Variants in PHF11 observed in about 807,000 individuals in gnomAD.
PHF11 encodes BRCA1 C-terminus-associated protein.
Under a neutral mutation model 40.5 loss-of-function variants are expected in PHF11, and 38 were observed. That is an observed-to-expected ratio of 0.94 (90% CI 0.72 to 1.23). The LOEUF is 1.23. PHF11 is among the 50% of genes most tolerant of loss of function. The pLI is 0.00. For missense variants in PHF11, 369 were observed against 392.4 expected (o/e 0.94, Z 0.50); for synonymous variants, 127 against 138.2 (o/e 0.92, Z 0.57).
At chr13:49,517,292 G>A (rs987953763) in intron 3 of PHF11, among the ~76,000 whole-genome samples, 14 of 152,226 alleles carry the variant, frequency 9.2e-5, no homozygotes, top group Middle Eastern at 3.4e-3. Context: ...GTGCCCCCAC[G>A]TCATTCAGCC....
chr13:49,500,335 C>T (rs1427376237), intron 1 of PHF11, among the ~76,000 whole-genome samples: 1 of 152,152 alleles, frequency 6.6e-6, no homozygotes, highest in African/African-American at 2.4e-5. Flanking sequence ...CTTCATGACA[C>T]ACCTTTAGGT....
chr13:49,516,864 C>T (rs750029718), intron 3 of PHF11, among the ~76,000 whole-genome samples: 1 of 152,180 alleles, frequency 6.6e-6, no homozygotes, highest in Non-Finnish European at 1.5e-5. Context: ...GGATTACAGG[C>T]ATGGGCCACC....
At chr13:49,513,492 G>A (rs1004871827) in intron 3 of PHF11, among the ~76,000 whole-genome samples, 1 of 151,882 alleles carries the variant, frequency 6.6e-6, no homozygotes, top group Non-Finnish European at 1.5e-5. Flanking sequence ...CACCATGCTC[G>A]GCAAATTTTT....
intron 5 of PHF11, 184 bp downstream of exon 5, chr13:49,521,124 T>C: frequency 3.9e-6 from 5 of 1,295,960 alleles, no homozygotes; most frequent in Non-Finnish European, 3.9e-6. Context: ...AATTTTTTCT[T>C]CTTTATGAAC....
chr13:49,524,116 A>C lies in PHF11; in HGVS notation c.669A>C (p.Lys223Asn), dbSNP rs1959208478. Residue 223 changes from lysine (K) to asparagine (N), a missense_variant, in exon 8 of 10, where the codon AAA (lysine) becomes AAC (asparagine). Physicochemically the swap from Lys to Asn is moderately conservative, Grantham distance 94 (BLOSUM62 0). Transcript: ENST00000378319. ...DATVKVPFLK[K>N]CKEAGLLNYL... ...CTGTGAAAGTTCCTTTTCTTAAGAA[A>C]TGCAAGGAAGCAGGACTTCTTAATT... 2 of 1,605,458 alleles carry C rather than the reference A, an allele frequency of 1.2e-6. No individual in the cohort carries two copies. Among genetic ancestry groups the C allele is most frequent in the Non-Finnish European group, 8.5e-7 (1 of 1,175,182 alleles).
In PHF11 at chr13:49,518,127, C is replaced by T; in HGVS notation, c.434C>T (p.Ser145Phe). The change falls in exon 4 of 10, where the codon TCT (serine) becomes TTT (phenylalanine). Residue 145 changes from serine to phenylalanine, a missense_variant. Coordinates refer to ENST00000378319, the MANE Select transcript of PHF11 (RefSeq NM_001040443.3). ...AAGAAGGACGACGCAGTTCCACAGT[C>T]TGATGGAGTTCGAGGAATTTATAAG... is the stretch of plus-strand genomic sequence containing the variant. ...CAKKDDAVPQ[S>F]DGVRGIYKLL... The T allele has an allele frequency of 1.2e-6, 2 of 1,603,776 alleles. No individual in the cohort carries two copies. The highest frequency in any genetic ancestry group is 1.7e-6 in the Non-Finnish European group (2 of 1,173,894).
chr13:49,506,774 A>T lies in PHF11; in HGVS notation c.216+18A>T, dbSNP rs201826842. The T allele has an allele frequency of 5.0e-4, 799 of 1,593,600 alleles. No individual in the cohort carries two copies. Among genetic ancestry groups the T allele is most frequent in the South Asian group, 2.0e-3 (183 of 90,060 alleles). On this transcript the variant is annotated intron_variant, in intron 2 of 9. Transcript: ENST00000378319. ...ATTGTTTGGTAAGTTACTTGAAAAC[A>T]TACTTCAAAGTACATGAGTACTTTT...
intron 1 of PHF11, among the ~76,000 whole-genome samples, chr13:49,500,014 G>A (rs933773250): frequency 1.2e-4 from 19 of 152,232 alleles, no homozygotes; most frequent in African/African-American, 4.1e-4. Flanking sequence ...CTAGAGCCTC[G>A]GCAATCCATT....
chr13:49,509,171 T>A (rs931441137), intron 2 of PHF11, among the ~76,000 whole-genome samples: 2 of 152,150 alleles, frequency 1.3e-5, no homozygotes, highest in Non-Finnish European at 2.9e-5. Context: ...CAGAACCATT[T>A]TAAATTAAAT....
At chr13:49,526,483 G>A (rs374418165) in intron 9 of PHF11, 25 bp downstream of exon 9, 67 of 1,233,446 alleles carry the variant, frequency 5.4e-5, no homozygotes, top group Non-Finnish European at 7.6e-5. Flanking sequence ...TAACATCTGA[G>A]CAGCATAGTT....
chr13:49,497,108 G>C, intron 1 of PHF11: 1 of 1,288,798 alleles, frequency 7.8e-7, no homozygotes. Flanking sequence ...CAGCAGAGAG[G>C]ATGACACAAA....
chr13:49,497,046 AC>A lies in PHF11; in HGVS notation c.94+953del, dbSNP rs1467437992. 9.7e-6 allele frequency: 12 copies of A among 1,243,262 alleles called. No individual in the cohort carries two copies. The Admixed American group carries it at 2.1e-4, about 22-fold the overall frequency. 77.0% of individuals were successfully genotyped at this position (1,243,262 alleles called of 1,614,324 possible). On this transcript the variant is annotated intron_variant, in intron 1 of 9. Coordinates refer to ENST00000378319, the MANE Select transcript of PHF11 (RefSeq NM_001040443.3). ...GGGTTTCTCCATGTTTCATGGGCTTACCTTTAAAGGGCAAGACTCAGCCAAA... is the reference window on the plus strand; with the variant it reads ...GGGTTTCTCCATGTTTCATGGGCTTACTTTAAAGGGCAAGACTCAGCCAAA...
rs1332525885 is a variant in PHF11, at chr13:49,528,509, A to G, written c.842-2A>G. 2 of 1,580,834 alleles carry G rather than the reference A, an allele frequency of 1.3e-6. No individual in the cohort carries two copies. Among genetic ancestry groups the G allele is most frequent in the Admixed American group, 1.8e-5 (1 of 54,340 alleles). The stretch of plus-strand genomic sequence containing the variant: ...AAATAATTTTATTTCTTCTTTTCAT[A>G]GCAATAGAGAAAAAAATTCATGCAT... On this transcript the variant is annotated splice_acceptor_variant, in intron 9 of 9. Transcript: ENST00000378319. LOFTEE classifies it high-confidence loss of function.
Position 49,513,067 on chromosome 13 carries a change from T to G in PHF11, c.225T>G (p.Ser75=). Residue 75 remains serine (S), a synonymous_variant, in exon 3 of 10, where the codon TCT becomes TCG. Transcript: ENST00000378319. ...TTTTTTCCAATCTGCAGCTGTATTC[T>G]TCAGGACTTGTGGAATGTGAGGATC... ...IAAHENCLLY[S]SGLVECEDQD... is the part of the protein sequence containing the mutation. 1.3e-6 allele frequency: 2 copies of G among 1,549,402 alleles called. No homozygotes were observed. Among genetic ancestry groups the G allele is most frequent in the Non-Finnish European group, 1.8e-6 (2 of 1,122,554 alleles).
chr13:49,507,078 T>G (rs903433871), intron 2 of PHF11, among the ~76,000 whole-genome samples: 3 of 151,886 alleles, frequency 2.0e-5, no homozygotes, highest in African/African-American at 7.3e-5. Flanking sequence ...TAATTTTTTT[T>G]GTATTTTTAG....
chr13:49,502,069 G>A (rs770901851), intron 1 of PHF11, among the ~76,000 whole-genome samples: 8 of 152,096 alleles, frequency 5.3e-5, no homozygotes, highest in Non-Finnish European at 8.8e-5. Context: ...GGAGGCTCAG[G>A]AGGGAGGATC....
rs77866199 is a variant in PHF11, at chr13:49,515,109, G to A, written c.324+1943G>A. 1.4e-3 allele frequency among the ~76,000 whole-genome samples: 211 copies of A among 152,236 alleles called. 1 individual carries two copies. The East Asian group carries it at 0.037, about 26-fold the overall frequency. On this transcript the variant is annotated intron_variant, in intron 3 of 9. Coordinates refer to ENST00000378319, the MANE Select transcript of PHF11 (RefSeq NM_001040443.3). ...AAAGCAGGTACCTGAGGGTTTCTGC[G>A]GACCTTGGGATGCAGACTTCCCTAC...
At chr13:49,516,826 C>T (rs1366258500) in intron 3 of PHF11, among the ~76,000 whole-genome samples, 1 of 152,030 alleles carries the variant, frequency 6.6e-6, no homozygotes, top group African/African-American at 2.4e-5. Context: ...CTCAAGCAAT[C>T]CTCCTGCCTC....
At chr13:49,503,979 C>T (rs1009588136) in intron 1 of PHF11, among the ~76,000 whole-genome samples, 3 of 152,118 alleles carry the variant, frequency 2.0e-5, no homozygotes, top group African/African-American at 7.2e-5. Flanking sequence ...CCACCTCAGC[C>T]TCCCGAAGTT....
Sources: allele counts gnomAD v4.1 joint callset (sites outside exome capture counted in the v4.1 genomes callset), GRCh38; gene constraint gnomAD v4.1.1; transcripts MANE v1.5; gene names NCBI Gene and HGNC (gene_info 2026-07-23, HGNC 2026-07-21).